GRIP1: variants seen among roughly 807,000 people sequenced by gnomAD.
GRIP1 encodes the protein glutamate receptor interacting protein 1.
A neutral mutation model predicts 129.9 loss-of-function variants in GRIP1; 45 were observed. The ratio of observed to expected loss-of-function variants is 0.35; its 90% CI spans 0.27 to 0.44. The LOEUF is 0.44. Ranked by LOEUF, GRIP1 falls within the 20% of genes least tolerant of loss-of-function variation. GRIP1 has a pLI of 1.00. For missense variants in GRIP1, 1,196 were observed against 1,396.8 expected (o/e 0.86, Z 2.29); for synonymous variants, 530 against 520.8 (o/e 1.02, Z -0.24).
intron 14 of GRIP1, among the ~76,000 whole-genome samples, chr12:66,429,334 T>A (rs1209074687): frequency 6.6e-6 from 1 of 152,186 alleles, no homozygotes; most frequent in Non-Finnish European, 1.5e-5. Context: ...AGTATCCGTG[T>A]GTGTCTGAGA....
At chr12:67,006,958 T>C (rs2042636087) in intron 1 of GRIP1, among the ~76,000 whole-genome samples, 1 of 152,222 alleles carries the variant, frequency 6.6e-6, no homozygotes, top group South Asian at 2.1e-4. Flanking sequence ...ATGTCTAGAA[T>C]GGGAAATAAA....
chr12:66,836,884 G>C (rs2039623706), intron 1 of GRIP1, among the ~76,000 whole-genome samples: 1 of 152,174 alleles, frequency 6.6e-6, no homozygotes, highest in South Asian at 2.1e-4. Context: ...CAGAAAGCTG[G>C]ACTATCAAAG....
At position 66,500,482 on chromosome 12, in the gene GRIP1, TTTATAA is replaced by T. The variant is rs1304136201; in HGVS notation, c.724+15131_724+15136del. 3.9e-5 allele frequency among the ~76,000 whole-genome samples: 6 copies of T among 152,144 alleles called. No homozygotes were observed. In the East Asian group the frequency reaches 1.2e-3, roughly 29 times the overall value. On this transcript the variant is annotated intron_variant, in intron 7 of 24. Transcript: ENST00000359742. The stretch of plus-strand genomic sequence containing the variant: ...TTAGACTAAAAATTGTGGTCTTTAT[TTTATAA>T]CTAACAGGGAGATGTCTAAATAGGG...
chr12:66,634,293 C>A (rs1348531659), intron 1 of GRIP1, among the ~76,000 whole-genome samples: 1 of 152,114 alleles, frequency 6.6e-6, no homozygotes, highest in Non-Finnish European at 1.5e-5. Flanking sequence ...TGTTAAATAA[C>A]CATTCCTTTT....
chr12:66,634,044 T>A (rs561546645), intron 1 of GRIP1, among the ~76,000 whole-genome samples: 1 of 152,366 alleles, frequency 6.6e-6, no homozygotes, highest in African/African-American at 2.4e-5. Context: ...CTTTGCATTT[T>A]CTTTGTGTGT....
chr12:66,457,346 T>C (rs1377997584), intron 9 of GRIP1, among the ~76,000 whole-genome samples: 1 of 152,172 alleles, frequency 6.6e-6, no homozygotes, highest in African/African-American at 2.4e-5. Flanking sequence ...TAGCTCACTG[T>C]AATCTTGAAT....
chr12:66,483,307 T>C (rs1418545280), intron 7 of GRIP1, among the ~76,000 whole-genome samples: 2 of 152,236 alleles, frequency 1.3e-5, no homozygotes, highest in African/African-American at 4.8e-5. Context: ...ATACATTTTT[T>C]TAAATATTTT....
At chr12:67,009,237 G>C (rs1053665127) in intron 1 of GRIP1, among the ~76,000 whole-genome samples, 38 of 152,106 alleles carry the variant, frequency 2.5e-4, no homozygotes, top group Admixed American at 1.8e-3. Flanking sequence ...ATTTGATATT[G>C]TATATGTAAT....
intron 1 of GRIP1, among the ~76,000 whole-genome samples, chr12:66,650,192 T>A (rs2032691396): frequency 6.6e-6 from 1 of 152,164 alleles, no homozygotes; most frequent in African/African-American, 2.4e-5. Flanking sequence ...CTCAGAAATC[T>A]CTACCTCAGT....
intron 1 of GRIP1, among the ~76,000 whole-genome samples, chr12:66,641,052 C>T (rs1160570821): frequency 6.6e-6 from 1 of 152,184 alleles, no homozygotes; most frequent in Non-Finnish European, 1.5e-5. Context: ...TGAGTATTAA[C>T]TATACATAGT....
chr12:66,967,798 A>T (rs2042018450), intron 1 of GRIP1, among the ~76,000 whole-genome samples: 1 of 152,198 alleles, frequency 6.6e-6, no homozygotes, highest in Non-Finnish European at 1.5e-5. Flanking sequence ...CTGCAGTCTG[A>T]GTACATACTT....
intron 1 of GRIP1, among the ~76,000 whole-genome samples, chr12:66,899,616 T>C (rs1485536166): frequency 2.6e-5 from 4 of 152,112 alleles, no homozygotes; most frequent in Non-Finnish European, 5.9e-5. Context: ...CCTCCCATCT[T>C]GGCCTCCCAA....
intron 13 of GRIP1, among the ~76,000 whole-genome samples, chr12:66,440,700 G>T (rs571558950): frequency 1.3e-5 from 2 of 151,876 alleles, no homozygotes; most frequent in African/African-American, 4.8e-5. Context: ...TTCATGTCAG[G>T]CCCCAAACAT....
chr12:67,060,131 A>G (rs1250166153), intron 1 of GRIP1, among the ~76,000 whole-genome samples: 1 of 152,238 alleles, frequency 6.6e-6, no homozygotes, highest in Non-Finnish European at 1.5e-5. Flanking sequence ...TTTCAGTGCT[A>G]ATACTGGGTT....
chr12:67,058,313 T>C (rs528290730), intron 1 of GRIP1, among the ~76,000 whole-genome samples: 29 of 152,228 alleles, frequency 1.9e-4, no homozygotes, highest in Non-Finnish European at 2.2e-4. Flanking sequence ...ATTTGTGATG[T>C]CAAATTGTGT....
chr12:66,478,411 C>T (rs1262064185), intron 7 of GRIP1, among the ~76,000 whole-genome samples: 4 of 152,120 alleles, frequency 2.6e-5, no homozygotes, highest in Non-Finnish European at 5.9e-5. Flanking sequence ...GAAATAGGAA[C>T]ACTTTTACAC....
chr12:66,561,968 T>G (rs757227661), intron 2 of GRIP1, among the ~76,000 whole-genome samples: 1 of 151,858 alleles, frequency 6.6e-6, no homozygotes, highest in Admixed American at 6.6e-5. Flanking sequence ...GGTGGTGTGC[T>G]CCTGTAGTCC....
At chr12:66,961,082 T>G (rs932870573) in intron 1 of GRIP1, among the ~76,000 whole-genome samples, 5 of 152,054 alleles carry the variant, frequency 3.3e-5, no homozygotes, top group African/African-American at 7.2e-5. Context: ...AAATAACAGG[T>G]TTATGAATAT....
At chr12:66,496,740 C>T (rs746959888) in intron 7 of GRIP1, among the ~76,000 whole-genome samples, 3 of 151,974 alleles carry the variant, frequency 2.0e-5, no homozygotes, top group Non-Finnish European at 4.4e-5. Flanking sequence ...AACCCTTCCA[C>T]GTGGTGCTCT....
Sources: allele counts gnomAD v4.1 joint callset (sites outside exome capture counted in the v4.1 genomes callset), GRCh38; gene constraint gnomAD v4.1.1; transcripts MANE v1.5; gene names NCBI Gene and HGNC (gene_info 2026-07-23, HGNC 2026-07-21).